ESPL1: variants seen among roughly 807,000 people sequenced by gnomAD.
The protein encoded by ESPL1 is extra spindle pole bodies like 1, separase.
Under a neutral mutation model 217.2 loss-of-function variants are expected in ESPL1, and 50 were observed. That is an observed-to-expected ratio of 0.23 (90% CI 0.18 to 0.29). ESPL1 has a LOEUF of 0.29. ESPL1 is among the 10% of genes least tolerant of loss of function. The pLI is 1.00. For missense variants in ESPL1, 1,834 were observed against 2,603.0 expected (o/e 0.70, Z 6.43); for synonymous variants, 994 against 1,081.3 (o/e 0.92, Z 1.58).
Position 53,270,494 on chromosome 12 carries a change from G to C in ESPL1, c.1248+12G>C. ...CCCAAGGCTGTCAGGTACTGTCTGG[G>C]AATCAAGGTACCTGGACTAGGCTCA... is the stretch of plus-strand genomic sequence containing the variant. On this transcript the variant is annotated intron_variant, in intron 4 of 30. Coordinates refer to ENST00000257934, the MANE Select transcript of ESPL1 (RefSeq NM_012291.5). 1.3e-6 allele frequency: 2 copies of C among 1,598,978 alleles called. No homozygotes were observed. Among genetic ancestry groups the C allele is most frequent in the Middle Eastern group, 3.3e-4 (2 of 6,018 alleles).
At chr12:53,276,472 G>C in intron 7 of ESPL1, 148 bp from the exon 8 acceptor site, 1 of 869,558 alleles carries the variant, frequency 1.2e-6, no homozygotes, top group Non-Finnish European at 1.7e-6. Context: ...GTTAAACAGA[G>C]GAGCAATGCA....
intron 17 of ESPL1, 130 bp downstream of exon 17, chr12:53,284,297 G>A (rs1255756015): frequency 3.2e-6 from 2 of 633,316 alleles, no homozygotes; most frequent in Non-Finnish European, 5.7e-6. Flanking sequence ...ACCCAGGCTG[G>A]AGTGCAGTGG....
chr12:53,276,552 T>A, intron 7 of ESPL1, 68 bp from the exon 8 acceptor site: 2 of 1,478,414 alleles, frequency 1.4e-6, no homozygotes, highest in East Asian at 4.9e-5. Context: ...CTCCTCAGCA[T>A]GGGAGCAGGT....
At chr12:53,280,449 TCATTTCCATTTC>T (rs111691573) in intron 12 of ESPL1, among the ~76,000 whole-genome samples, 2 of 152,204 alleles carry the variant, frequency 1.3e-5, no homozygotes, top group Admixed American at 6.5e-5. Context: ...TTTAGTGGTG[TCATTTCCATTTC>T]CATTTCCATT....
chr12:53,270,341 T>C (rs1943646753), intron 3 of ESPL1, 37 bp from the exon 4 acceptor site: 1 of 1,441,040 alleles, frequency 6.9e-7, no homozygotes, highest in Non-Finnish European at 9.8e-7. Flanking sequence ...CCTCTTTATC[T>C]CTACTCCTCA....
Position 53,277,771 on chromosome 12 carries a change from C to T in ESPL1, c.2225-50C>T, listed in dbSNP as rs778092780. 3.1e-6 allele frequency: 5 copies of T among 1,603,272 alleles called. No individual in the cohort carries two copies. The South Asian group carries it at 4.5e-5, about 14-fold the overall frequency. ...GATGTTATGGAGGAAGGGAAGTTCT[C>T]TCCAGATGGCCCATGCTGAGACAGC... is the stretch of plus-strand genomic sequence containing the variant. On this transcript the variant is annotated intron_variant, in intron 10 of 30. Transcript: ENST00000257934.
intron 5 of ESPL1, among the ~76,000 whole-genome samples, chr12:53,271,400 T>A (rs1178974621): frequency 5.9e-5 from 9 of 151,994 alleles, no homozygotes; most frequent in African/African-American, 2.2e-4. Flanking sequence ...TTTTGTATTT[T>A]TTGTAGAGAT....
chr12:53,271,171 T>TG lies in ESPL1; in HGVS notation c.1369+374dup, dbSNP rs201137605. Among the ~76,000 whole-genome samples, 159 of 61,570 alleles carry TG rather than the reference T, an allele frequency of 2.6e-3. 12 individuals carry two copies. In the East Asian group the frequency reaches 0.071, roughly 27 times the overall value. 40.4% of individuals were successfully genotyped at this position (61,570 alleles called of 152,430 possible). ...CAAATGACCTTTCTGTATATTTAAG[T>TG]GTTTTTTTTTTTTTTTTTTTGAGAC... On this transcript the variant is annotated intron_variant, in intron 5 of 30. Coordinates refer to ENST00000257934, the MANE Select transcript of ESPL1 (RefSeq NM_012291.5).
In ESPL1 at chr12:53,269,902, T is replaced by C. The variant is rs751939794; in HGVS notation, c.960T>C (p.Ala320=). The change falls in exon 3 of 31, where the codon GCT becomes GCC. Residue 320 remains alanine (A), a synonymous_variant. Coordinates refer to ENST00000257934, the MANE Select transcript of ESPL1 (RefSeq NM_012291.5). This position sits in a 1 kb window ranked among gnomAD's most constrained non-coding sequence, Gnocchi z 6.7. ...AVAKLLIKAS[A]VLSKSMEAPS... ...CCAAGCTTCTGATCAAGGCATCAGC[T>C]GTCCTGAGCAAGAGTATGGAGGCAC... The C allele has an allele frequency of 6.2e-7, 1 of 1,614,216 alleles. No homozygotes were observed. The highest frequency in any genetic ancestry group is 1.1e-5 in the South Asian group (1 of 91,088).
chr12:53,272,511 T>C (rs1282810011), intron 5 of ESPL1, among the ~76,000 whole-genome samples: 1 of 151,842 alleles, frequency 6.6e-6, no homozygotes, highest in African/African-American at 2.4e-5. Context: ...GTAAAATGAG[T>C]GCAGATGGGC....
chr12:53,274,583 T>A, intron 6 of ESPL1: 1 of 447,266 alleles, frequency 2.2e-6, no homozygotes. Flanking sequence ...AAGCAGGTTT[T>A]CAAGGGTGTG....
chr12:53,281,457 T>C, intron 12 of ESPL1, 50 bp from the exon 13 acceptor site: 1 of 1,597,246 alleles, frequency 6.3e-7, no homozygotes. Flanking sequence ...CCAGTTTTGT[T>C]TGAAGAGCCT....
chr12:53,283,487 C>G lies in ESPL1; in HGVS notation c.3026C>G (p.Ala1009Gly). 6.2e-7 allele frequency: 1 copy of G among 1,614,152 alleles called. No homozygotes were observed. Among genetic ancestry groups the G allele is most frequent in the Non-Finnish European group, 8.5e-7 (1 of 1,180,010 alleles). The change falls in exon 16 of 31, where the codon GCC (alanine) becomes GGC (glycine). Residue 1009 changes from alanine (A) to glycine (G), a missense_variant. By Grantham distance (60) the Ala-to-Gly change is moderately conservative. Transcript: ENST00000257934. ...CTGGGTAGTGTGAGTGAAGCCAAGG[C>G]CTTTTGCTTGGAGGCCCTAAAACTT... Reference protein sequence around the residue: ...GRLGSVSEAKAFCLEALKLTT... With the variant: ...GRLGSVSEAKGFCLEALKLTT...
intron 6 of ESPL1, among the ~76,000 whole-genome samples, chr12:53,273,790 G>C (rs930775717): frequency 4.0e-5 from 6 of 148,788 alleles, no homozygotes; most frequent in Admixed American, 1.3e-4. Context: ...TCCCCCAGGT[G>C]GTCCTTTGAG....
Position 53,282,897 on chromosome 12 carries a change from G to A in ESPL1, c.2792-232G>A, listed in dbSNP as rs371787375. On this transcript the variant is annotated intron_variant, in intron 14 of 30. Coordinates refer to ENST00000257934, the MANE Select transcript of ESPL1 (RefSeq NM_012291.5). This position sits in a 1 kb window ranked among gnomAD's most constrained non-coding sequence, Gnocchi z 4.0. ...TCAAACTCCTGACCTCGGGTGATCC[G>A]TCTGCCTCAGCCTCCCAAAATGCTG... is the stretch of plus-strand genomic sequence containing the variant. Among the ~76,000 whole-genome samples the A allele has an allele frequency of 6.2e-4, 95 of 152,194 alleles. No individual in the cohort carries two copies. Among genetic ancestry groups the A allele is most frequent in the African/African-American group, 2.0e-3 (84 of 41,440 alleles).
chr12:53,274,491 C>G (rs138059306), intron 6 of ESPL1: 11 of 226,754 alleles, frequency 4.9e-5, no homozygotes, highest in Non-Finnish European at 9.7e-5. Flanking sequence ...GGAGGGAGAG[C>G]GAGAGAAGGG....
At position 53,292,730 on chromosome 12, in the gene ESPL1, C is replaced by T. The variant is rs1468967338; in HGVS notation, c.5996+73C>T. Reference sequence around the variant, plus strand: ...GGTATCACCATGGGTTGCTTTGGGACTTGAGAGCCTCTGAAGACACAGGCA... The same window carrying T: ...GGTATCACCATGGGTTGCTTTGGGATTTGAGAGCCTCTGAAGACACAGGCA... On this transcript the variant is annotated intron_variant, in intron 29 of 30. Coordinates refer to ENST00000257934, the MANE Select transcript of ESPL1 (RefSeq NM_012291.5). The surrounding 1 kb of genome is among the most constrained non-coding windows in gnomAD (Gnocchi z 4.5). 4 of 1,602,396 alleles carry T rather than the reference C, an allele frequency of 2.5e-6. No homozygotes were observed. Among genetic ancestry groups the T allele is most frequent in the Non-Finnish European group, 3.4e-6 (4 of 1,172,596 alleles).
Position 53,272,764 on chromosome 12 carries a change from G to A in ESPL1, c.1413G>A (p.Lys471=). The change falls in exon 6 of 31, where the codon AAG becomes AAA. Residue 471 remains lysine (K), a synonymous_variant. Coordinates refer to ENST00000257934, the MANE Select transcript of ESPL1 (RefSeq NM_012291.5). ...TGGCCTACAGCTTCTATAGTCACAA[G>A]CTCTATGCCGAGGCCTGTGCCATCT... is the stretch of plus-strand genomic sequence containing the variant. ...SNLAYSFYSH[K]LYAEACAISE... The A allele has an allele frequency of 5.0e-6, 8 of 1,614,136 alleles. No individual in the cohort carries two copies. The highest frequency in any genetic ancestry group is 2.2e-5 in the East Asian group (1 of 44,882).
Position 53,269,308 on chromosome 12 carries a change from G to T in ESPL1, c.366G>T (p.Gln122His). Residue 122 changes from glutamine (Q) to histidine (H), a missense_variant, in exon 3 of 31, where the codon CAG becomes CAT. This residue lies in a region of ESPL1 where 746 missense variants were observed against 1,077.0 expected (regional missense o/e 0.69). Transcript: ENST00000257934. This position sits in a 1 kb window ranked among gnomAD's most constrained non-coding sequence, Gnocchi z 6.7. ...GSPEATLRLA[Q>H]PLHACLVQCS... ...CAGAGGCCACACTCCGCCTTGCTCA[G>T]CCCCTCCATGCCTGCTTGGTGCAGT... 6.2e-7 allele frequency: 1 copy of T among 1,614,150 alleles called. No homozygotes were observed. The highest frequency in any genetic ancestry group is 1.3e-5 in the African/African-American group (1 of 75,062).
Sources: gnomAD v4.1 joint callset for allele counts (sites outside exome capture counted in the v4.1 genomes callset) on GRCh38, gnomAD v4.1.1 for gene constraint, gnomAD v4.1.1 regional missense constraint, Gnocchi (gnomAD v3.1) non-coding constraint, MANE v1.5 for transcripts, NCBI Gene and HGNC (gene_info 2026-07-23, HGNC 2026-07-21) for gene names.